Variants in CNTLN observed in about 807,000 individuals in gnomAD.
The protein encoded by CNTLN is centlein, also known as centlein, centrosomal protein.
Under a neutral mutation model 180.0 loss-of-function variants are expected in CNTLN, and 212 were observed. The ratio of observed to expected loss-of-function variants is 1.18; its 90% CI spans 1.05 to 1.32. The LOEUF (loss-of-function observed/expected upper bound fraction) is 1.32, where lower values mean the gene tolerates loss of function less well. CNTLN is among the 40% of genes most tolerant of loss of function. CNTLN has a pLI of 0.00. For synonymous variants in CNTLN, 722 were observed against 563.1 expected (o/e 1.28, Z -3.99); for missense variants, 2,095 against 1,610.9 (o/e 1.30, Z -5.14).
At chr9:17,207,029 C>T (rs1822972681) in intron 2 of CNTLN, among the ~76,000 whole-genome samples, 1 of 152,156 alleles carries the variant, frequency 6.6e-6, no homozygotes, top group Admixed American at 6.5e-5. Context: ...CAGGCTGTTG[C>T]TTCCCAGTCT....
chr9:17,487,716 CTGAGGGGTCTGTTGAGACTGCTGCTG>C (rs1353629308), intron 25 of CNTLN, among the ~76,000 whole-genome samples: 1 of 152,084 alleles, frequency 6.6e-6, no homozygotes, highest in Non-Finnish European at 1.5e-5. Flanking sequence ...GTTGAAATCC[CTGAGGGGTCTGTTGAGACTGCTGCTG>C]TGACCTGTGT....
chr9:17,214,019 C>G (rs919292268), intron 2 of CNTLN, among the ~76,000 whole-genome samples: 5 of 152,258 alleles, frequency 3.3e-5, no homozygotes, highest in East Asian at 1.9e-4. Context: ...ATTTGCCAGT[C>G]TGTGTCTTTT....
At chr9:17,399,356 A>G (rs1054744173) in intron 15 of CNTLN, among the ~76,000 whole-genome samples, 5 of 152,054 alleles carry the variant, frequency 3.3e-5, no homozygotes, top group African/African-American at 1.2e-4. Flanking sequence ...ATTTTCTCTT[A>G]TCATTAAGTT....
chr9:17,324,460 T>C (rs76635959), intron 8 of CNTLN, among the ~76,000 whole-genome samples: 2,777 of 152,292 alleles, frequency 0.018, 84 homozygotes, highest in African/African-American at 0.063. Flanking sequence ...TAGTTTACTC[T>C]TAGGATTGGA....
intron 5 of CNTLN, among the ~76,000 whole-genome samples, chr9:17,248,540 A>ATAT (rs373693904): frequency 0.033 from 4,860 of 147,308 alleles, 290 homozygotes; most frequent in African/African-American, 0.11. Flanking sequence ...ATAATTATAA[A>ATAT]TATATTTAAT....
At chr9:17,302,011 A>T in intron 7 of CNTLN, 1 of 984,026 alleles carries the variant, frequency 1.0e-6, no homozygotes, top group Non-Finnish European at 1.2e-6. Flanking sequence ...TTACTATTGT[A>T]AATAAAGCTG....
chr9:17,373,727 T>G (rs115376541), intron 13 of CNTLN, among the ~76,000 whole-genome samples: 2,519 of 152,230 alleles, frequency 0.017, 76 homozygotes, highest in African/African-American at 0.058. Context: ...TAAATTAAAT[T>G]GTACTATAAA....
At chr9:17,298,387 TTATG>T (rs1245936779) in intron 7 of CNTLN, 35 bp downstream of exon 7, 23 of 1,544,714 alleles carry the variant, frequency 1.5e-5, no homozygotes, top group South Asian at 2.5e-5. Context: ...ATGTAAATGT[TTATG>T]TATGAACTTA....
intron 25 of CNTLN, among the ~76,000 whole-genome samples, chr9:17,497,579 C>G (rs1192170236): frequency 1.3e-5 from 2 of 152,136 alleles, no homozygotes; most frequent in African/African-American, 2.4e-5. Context: ...TTCTGTCTTA[C>G]AACTTCTAGA....
At chr9:17,311,104 A>G (rs1481774594) in intron 8 of CNTLN, among the ~76,000 whole-genome samples, 1 of 151,710 alleles carries the variant, frequency 6.6e-6, no homozygotes, top group African/African-American at 2.4e-5. Flanking sequence ...AGCTCATTGG[A>G]ACCTCTACCT....
chr9:17,408,071 G>T (rs1434378629), intron 15 of CNTLN, among the ~76,000 whole-genome samples: 1 of 143,766 alleles, frequency 7.0e-6, no homozygotes, highest in Admixed American at 7.3e-5. Flanking sequence ...AGGTTGCAGT[G>T]AGCCGAGATC....
intron 5 of CNTLN, among the ~76,000 whole-genome samples, chr9:17,267,712 A>ATG (rs1827590524): frequency 6.6e-6 from 1 of 152,144 alleles, no homozygotes; most frequent in Non-Finnish European, 1.5e-5. Flanking sequence ...ACATAGTCCC[A>ATG]TATTTCTTGG....
At chr9:17,269,459 T>C (rs1018850022) in intron 5 of CNTLN, among the ~76,000 whole-genome samples, 20 of 152,092 alleles carry the variant, frequency 1.3e-4, no homozygotes, top group Non-Finnish European at 2.2e-4. Flanking sequence ...TTTTGGTATG[T>C]TTTCTAATTT....
chr9:17,249,784 T>C (rs1050570181), intron 5 of CNTLN, among the ~76,000 whole-genome samples: 1 of 151,624 alleles, frequency 6.6e-6, no homozygotes, highest in African/African-American at 2.4e-5. Context: ...TGTCAGTTAT[T>C]TTATGGCTTA....
intron 2 of CNTLN, among the ~76,000 whole-genome samples, chr9:17,214,669 G>T (rs200304631): frequency 4.6e-5 from 7 of 152,084 alleles, no homozygotes; most frequent in African/African-American, 1.7e-4. Context: ...TGGTTCCATT[G>T]TCCCCATCAT....
At chr9:17,500,235 A>G (rs780484395) in intron 25 of CNTLN, among the ~76,000 whole-genome samples, 2 of 152,226 alleles carry the variant, frequency 1.3e-5, no homozygotes, top group Non-Finnish European at 2.9e-5. Context: ...ATTGGGAGCC[A>G]GGGCAAGAGA....
intron 2 of CNTLN, among the ~76,000 whole-genome samples, chr9:17,204,392 T>C (rs1822768325): frequency 6.6e-6 from 1 of 152,128 alleles, no homozygotes; most frequent in South Asian, 2.1e-4. Context: ...TTTTTGTTGA[T>C]GTTGATGTCA....
intron 18 of CNTLN, among the ~76,000 whole-genome samples, chr9:17,445,209 C>T (rs113767878): frequency 1.0e-3 from 159 of 151,998 alleles, no homozygotes; most frequent in African/African-American, 3.6e-3. Flanking sequence ...TATAAATGAT[C>T]AACATGATAT....
At chr9:17,333,483 T>C (rs1385953360) in intron 10 of CNTLN, among the ~76,000 whole-genome samples, 1 of 152,154 alleles carries the variant, frequency 6.6e-6, no homozygotes, top group African/African-American at 2.4e-5. Context: ...GTAAATCTAG[T>C]GCTTTACACA....
Sources: gnomAD v4.1 joint callset for allele counts (sites outside exome capture counted in the v4.1 genomes callset) on GRCh38, gnomAD v4.1.1 for gene constraint, MANE v1.5 for transcripts, NCBI Gene and HGNC (gene_info 2026-07-23, HGNC 2026-07-21) for gene names.